The following HHAT variants were observed in gnomAD, a reference collection of about 807,000 sequenced individuals.
HHAT encodes hedgehog acyltransferase, also known as protein-cysteine N-palmitoyltransferase HHAT.
A neutral mutation model predicts 70.8 loss-of-function variants in HHAT; 47 were observed. The observed-to-expected ratio is 0.66, with a 90% confidence interval of 0.53 to 0.85. The LOEUF is 0.85. Among genes scored for constraint, HHAT ranks in the 40% least tolerant of loss-of-function variants. HHAT has a pLI of 0.00. For synonymous variants in HHAT, 228 were observed against 247.6 expected, an observed-to-expected ratio of 0.92 and a Z score of 0.74; for missense variants, 609 against 604.8, an observed-to-expected ratio of 1.01 and a Z score of -0.07.
intron 7 of HHAT, among the ~76,000 whole-genome samples, chr1:210,461,379 A>G (rs1456925577): frequency 1.3e-5 from 2 of 152,124 alleles, no homozygotes; most frequent in African/African-American, 4.8e-5. Flanking sequence ...GCTCGCTGCA[A>G]TCTCTGCCTC....
At chr1:210,543,711 T>C (rs1421176862) in intron 9 of HHAT, among the ~76,000 whole-genome samples, 1 of 152,192 alleles carries the variant, frequency 6.6e-6, no homozygotes, top group Non-Finnish European at 1.5e-5. Flanking sequence ...TCCAAAGGCC[T>C]TCCTGCTATG....
At chr1:210,405,343 T>A (rs895851568) in intron 6 of HHAT, among the ~76,000 whole-genome samples, 1 of 152,192 alleles carries the variant, frequency 6.6e-6, no homozygotes, top group Non-Finnish European at 1.5e-5. Context: ...TTCTTTTTTT[T>A]CTGCCTCCTC....
chr1:210,372,333 A>T (rs1340007808), intron 3 of HHAT, among the ~76,000 whole-genome samples: 1 of 152,218 alleles, frequency 6.6e-6, no homozygotes, highest in African/African-American at 2.4e-5. Flanking sequence ...CTTGAATAGA[A>T]GTACTATGTT....
At chr1:210,353,558 A>G (rs976935956) in intron 2 of HHAT, among the ~76,000 whole-genome samples, 1 of 150,044 alleles carries the variant, frequency 6.7e-6, no homozygotes, top group Non-Finnish European at 1.5e-5. Flanking sequence ...TTGACATTTT[A>G]TAGCTTTCTA....
At chr1:210,591,493 T>C (rs1661694396) in intron 10 of HHAT, among the ~76,000 whole-genome samples, 2 of 152,154 alleles carry the variant, frequency 1.3e-5, no homozygotes, top group Admixed American at 1.3e-4. Context: ...TTGTGAATAG[T>C]ACTACAGTAA....
intron 4 of HHAT, among the ~76,000 whole-genome samples, chr1:210,398,576 G>A (rs2091913469): frequency 6.6e-6 from 1 of 152,192 alleles, no homozygotes; most frequent in African/African-American, 2.4e-5. Flanking sequence ...CCAAGTTGAA[G>A]CAGCTTCAGT....
At chr1:210,640,643 G>A (rs948930966) in intron 11 of HHAT, among the ~76,000 whole-genome samples, 1 of 151,736 alleles carries the variant, frequency 6.6e-6, no homozygotes, top group African/African-American at 2.4e-5. Context: ...CAAAACATGC[G>A]TGCGTGTAAC....
At chr1:210,665,097 T>A (rs1251490971) in intron 11 of HHAT, among the ~76,000 whole-genome samples, 1 of 152,204 alleles carries the variant, frequency 6.6e-6, no homozygotes, top group Non-Finnish European at 1.5e-5. Context: ...CATATTGGTC[T>A]TAACCAGGTT....
intron 10 of HHAT, among the ~76,000 whole-genome samples, chr1:210,609,535 T>C (rs949683736): frequency 2.0e-5 from 3 of 152,136 alleles, no homozygotes; most frequent in African/African-American, 2.4e-5. Context: ...AGTTTAGGGG[T>C]ACATGTGCAG....
chr1:210,446,525 A>G (rs2093637966), intron 7 of HHAT, among the ~76,000 whole-genome samples: 1 of 152,154 alleles, frequency 6.6e-6, no homozygotes, highest in South Asian at 2.1e-4. Flanking sequence ...TGAGCTTAGA[A>G]TAAAGCCAGT....
chr1:210,371,202 A>G (rs1337780511), intron 3 of HHAT, among the ~76,000 whole-genome samples: 1 of 152,106 alleles, frequency 6.6e-6, no homozygotes, highest in Non-Finnish European at 1.5e-5. Flanking sequence ...CCTGTGTTAG[A>G]GTGCAGTGGC....
intron 10 of HHAT, among the ~76,000 whole-genome samples, chr1:210,621,229 G>A (rs1195318862): frequency 6.6e-6 from 1 of 152,040 alleles, no homozygotes; most frequent in East Asian, 1.9e-4. Context: ...AGCTTAACAA[G>A]CTATGTGCAC....
chr1:210,332,814 G>T (rs748133489), intron 1 of HHAT, among the ~76,000 whole-genome samples: 14 of 152,188 alleles, frequency 9.2e-5, no homozygotes, highest in Non-Finnish European at 1.9e-4. Flanking sequence ...TGTAATTTGA[G>T]TATGACTCCT....
rs527532416 is a variant in HHAT, at chr1:210,552,022, T to C, written c.1044-35876T>C. Among the ~76,000 whole-genome samples the C allele has an allele frequency of 2.6e-5, 4 of 152,376 alleles. No individual in the cohort carries two copies. In the South Asian group the frequency reaches 8.3e-4, roughly 32 times the overall value. On this transcript the variant is annotated intron_variant, in intron 9 of 11. Transcript: ENST00000261458. ...GGAGTTGAGTTTCCTTTCTTTGTGCTTCATAATCTATGACCCGCAGAGTGC... is the reference window on the plus strand; with the variant it reads ...GGAGTTGAGTTTCCTTTCTTTGTGCCTCATAATCTATGACCCGCAGAGTGC...
chr1:210,550,001 A>G (rs928379670), intron 9 of HHAT, among the ~76,000 whole-genome samples: 2 of 148,942 alleles, frequency 1.3e-5, no homozygotes, highest in African/African-American at 5.0e-5. Flanking sequence ...TACTGTCTCT[A>G]CTCACCCCCT....
At chr1:210,338,159 C>A (rs1177176797) in intron 1 of HHAT, among the ~76,000 whole-genome samples, 2 of 147,318 alleles carry the variant, frequency 1.4e-5, no homozygotes, top group East Asian at 3.9e-4. Flanking sequence ...CCAGCCTGGG[C>A]AACATAGTGA....
intron 10 of HHAT, among the ~76,000 whole-genome samples, chr1:210,593,845 A>T (rs918113631): frequency 6.6e-6 from 1 of 152,134 alleles, no homozygotes; most frequent in Non-Finnish European, 1.5e-5. Context: ...GTGCTCCAAT[A>T]TTGGTTGCAT....
chr1:210,486,650 A>C (rs2094476604), intron 8 of HHAT, among the ~76,000 whole-genome samples: 1 of 152,296 alleles, frequency 6.6e-6, no homozygotes, highest in African/African-American at 2.4e-5. Flanking sequence ...GTGGTTTATT[A>C]ATAAGGGACT....
Position 210,587,761 on chromosome 1 carries a change from A to G in HHAT, c.1044-137A>G, listed in dbSNP as rs80031321. 3,794 of 687,508 alleles carry G rather than the reference A, an allele frequency of 5.5e-3. 119 individuals carry two copies. In the African/African-American group the frequency reaches 0.058, roughly 11 times the overall value. The allele number at this position is 687,508 out of a possible 1,614,324, so 42.6% of individuals were successfully genotyped here. Reference sequence around the variant, plus strand: ...AACTCCTTGTGGGATGGAGAATCCAAGGAATCTGGCCTCTTGGAAGTGAGG... The same window carrying G: ...AACTCCTTGTGGGATGGAGAATCCAGGGAATCTGGCCTCTTGGAAGTGAGG... On this transcript the variant is annotated intron_variant, in intron 9 of 11. Coordinates refer to ENST00000261458, the MANE Select transcript of HHAT (RefSeq NM_018194.6).
Sources: gnomAD v4.1 joint callset for allele counts (sites outside exome capture counted in the v4.1 genomes callset) on GRCh38, gnomAD v4.1.1 for gene constraint, MANE v1.5 for transcripts, NCBI Gene and HGNC (gene_info 2026-07-23, HGNC 2026-07-21) for gene names.